Variants in ASIC2 observed in about 807,000 individuals in gnomAD.
ASIC2 encodes the protein acid sensing ion channel subunit 2, also known as acid-sensing ion channel 2.
In ASIC2, 25 loss-of-function variants were observed where a neutral mutation model predicts 57.3. That is an observed-to-expected ratio of 0.44 (90% CI 0.32 to 0.61). ASIC2 has a LOEUF of 0.61. Ranked by LOEUF, ASIC2 falls within the 20% of genes least tolerant of loss-of-function variation. The pLI is 0.06. For synonymous variants in ASIC2, 319 were observed against 307.5 expected (o/e 1.04, Z -0.39); for missense variants, 641 against 738.1 (o/e 0.87, Z 1.52).
intron 1 of ASIC2, among the ~76,000 whole-genome samples, chr17:33,267,133 A>T (rs1909493798): frequency 6.6e-6 from 1 of 152,286 alleles, no homozygotes; most frequent in African/African-American, 2.4e-5. Flanking sequence ...CATACTGGTG[A>T]CATCCTGGCA....
At chr17:34,127,038 T>C (rs1031276714) in intron 1 of ASIC2, among the ~76,000 whole-genome samples, 4 of 152,182 alleles carry the variant, frequency 2.6e-5, no homozygotes, top group African/African-American at 7.2e-5. Context: ...GGCCCATGGA[T>C]AAGCAATGAA....
At chr17:33,808,726 A>T (rs1912336260) in intron 1 of ASIC2, among the ~76,000 whole-genome samples, 1 of 152,150 alleles carries the variant, frequency 6.6e-6, no homozygotes, top group Non-Finnish European at 1.5e-5. Context: ...AATACTTGAT[A>T]CCCTCTACTA....
chr17:33,302,527 A>G (rs1005872044), intron 1 of ASIC2, among the ~76,000 whole-genome samples: 3 of 152,158 alleles, frequency 2.0e-5, no homozygotes, highest in African/African-American at 2.4e-5. Context: ...TTTAAGGCCA[A>G]GCTGATGTGT....
At chr17:33,817,319 T>C (rs577765889) in intron 1 of ASIC2, among the ~76,000 whole-genome samples, 2 of 152,300 alleles carry the variant, frequency 1.3e-5, no homozygotes, top group Admixed American at 1.3e-4. Context: ...ATCTTTTGTT[T>C]TGTTCTCTTT....
chr17:33,912,850 A>T (rs1262376242), intron 1 of ASIC2, among the ~76,000 whole-genome samples: 2 of 152,050 alleles, frequency 1.3e-5, no homozygotes, highest in East Asian at 2.0e-4. Context: ...GTGGTGGTGC[A>T]TGCCTATAAT....
intron 1 of ASIC2, among the ~76,000 whole-genome samples, chr17:33,217,942 T>A (rs1246963143): frequency 6.6e-6 from 1 of 152,188 alleles, no homozygotes; most frequent in African/African-American, 2.4e-5. Flanking sequence ...GGACCCAAAA[T>A]GACAGGTCCA....
At chr17:33,846,663 C>T (rs1436744874) in intron 1 of ASIC2, among the ~76,000 whole-genome samples, 1 of 152,092 alleles carries the variant, frequency 6.6e-6, no homozygotes, top group African/African-American at 2.4e-5. Context: ...CACCCACACA[C>T]AATAACACCG....
At chr17:33,215,901 G>A (rs981925227) in intron 1 of ASIC2, among the ~76,000 whole-genome samples, 7 of 152,032 alleles carry the variant, frequency 4.6e-5, no homozygotes, top group Non-Finnish European at 8.8e-5. Flanking sequence ...GGGTTTCACC[G>A]TGTTAGCCAG....
intron 1 of ASIC2, chr17:34,004,196 AGG>A (rs1906447766): frequency 6.6e-6 from 1 of 152,282 alleles, no homozygotes; most frequent in Admixed American, 6.5e-5. Flanking sequence ...GAGAAGGAAA[AGG>A]AAAAGGAAAA....
intron 1 of ASIC2, among the ~76,000 whole-genome samples, chr17:33,199,833 C>T (rs1321858880): frequency 6.6e-6 from 1 of 152,120 alleles, no homozygotes; most frequent in East Asian, 1.9e-4. Flanking sequence ...ATATAGCGAA[C>T]TTGATCATGA....
intron 1 of ASIC2, among the ~76,000 whole-genome samples, chr17:33,519,563 A>G (rs1316521805): frequency 2.6e-5 from 4 of 152,168 alleles, no homozygotes; most frequent in Non-Finnish European, 5.9e-5. Context: ...GGTAGAGTCC[A>G]GGAGTCTCCA....
intron 1 of ASIC2, among the ~76,000 whole-genome samples, chr17:33,788,601 C>T (rs1055801065): frequency 2.0e-5 from 3 of 152,056 alleles, no homozygotes; most frequent in East Asian, 3.9e-4. Flanking sequence ...GACTCATGGA[C>T]GCATATGTTC....
chr17:33,995,601 T>G (rs1906132613), intron 1 of ASIC2, among the ~76,000 whole-genome samples: 1 of 152,230 alleles, frequency 6.6e-6, no homozygotes, highest in South Asian at 2.1e-4. Context: ...TACATATGTG[T>G]GTATGTATAT....
At chr17:33,428,872 T>C (rs1024348807) in intron 1 of ASIC2, among the ~76,000 whole-genome samples, 1 of 152,224 alleles carries the variant, frequency 6.6e-6, no homozygotes, top group Non-Finnish European at 1.5e-5. Context: ...CCTTTGTCTG[T>C]CCTCAAATTT....
At chr17:34,071,724 G>T (rs1413756256) in intron 1 of ASIC2, 1 of 152,132 alleles carries the variant, frequency 6.6e-6, no homozygotes, top group Admixed American at 6.5e-5. Context: ...TAGCTACTGG[G>T]GAGGCTGAGG....
At chr17:33,813,523 A>G (rs1597886452) in intron 1 of ASIC2, among the ~76,000 whole-genome samples, 1 of 152,048 alleles carries the variant, frequency 6.6e-6, no homozygotes, top group Admixed American at 6.5e-5. Flanking sequence ...TGCAAGCTCC[A>G]CCTCCTGGGT....
chr17:33,897,759 G>A (rs1043431828), intron 1 of ASIC2, among the ~76,000 whole-genome samples: 2 of 152,216 alleles, frequency 1.3e-5, no homozygotes, highest in African/African-American at 4.8e-5. Flanking sequence ...GCAGGGATCA[G>A]GTGGAGCCTA....
At chr17:33,111,656 C>A (rs1249935062) in intron 2 of ASIC2, among the ~76,000 whole-genome samples, 1 of 151,570 alleles carries the variant, frequency 6.6e-6, no homozygotes, top group African/African-American at 2.4e-5. Flanking sequence ...TTCAAACCTT[C>A]CCCCATGCCT....
chr17:33,175,659 G>T (rs1368629613), intron 1 of ASIC2, among the ~76,000 whole-genome samples: 4 of 152,060 alleles, frequency 2.6e-5, no homozygotes, highest in African/African-American at 9.7e-5. Context: ...GTTTGTAAAA[G>T]CTTTCTCATT....
Sources: allele counts gnomAD v4.1 joint callset (sites outside exome capture counted in the v4.1 genomes callset), GRCh38; gene constraint gnomAD v4.1.1; transcripts MANE v1.5; gene names NCBI Gene and HGNC (gene_info 2026-07-23, HGNC 2026-07-21).